GPC6: variants seen among roughly 807,000 people sequenced by gnomAD.
The protein encoded by GPC6 is glypican-6.
GPC6 carries 14 observed loss-of-function variants against 55.2 expected under a neutral mutation model. The ratio of observed to expected loss-of-function variants is 0.25; its 90% confidence interval spans 0.17 to 0.40. GPC6 has a LOEUF of 0.40. Ranked by LOEUF, GPC6 falls within the 10% of genes least tolerant of loss-of-function variation. GPC6 has a pLI of 1.00. For missense variants in GPC6, 641 were observed against 708.5 expected (o/e 0.90, Z 1.08); for synonymous variants, 278 against 259.6 (o/e 1.07, Z -0.68).
chr13:94,130,496 GC>G (rs1358161810), intron 4 of GPC6, among the ~76,000 whole-genome samples: 2 of 152,106 alleles, frequency 1.3e-5, no homozygotes, highest in African/African-American at 4.8e-5. Flanking sequence ...CAAAAACCCA[GC>G]CTAAACCAGC....
intron 3 of GPC6, among the ~76,000 whole-genome samples, chr13:93,999,811 A>G (rs1216779451): frequency 6.6e-6 from 1 of 152,182 alleles, no homozygotes; most frequent in African/African-American, 2.4e-5. Context: ...AGATTTTCCT[A>G]CAAGGTTGAG....
intron 4 of GPC6, among the ~76,000 whole-genome samples, chr13:94,270,766 G>T (rs1323354076): frequency 2.6e-5 from 4 of 152,094 alleles, no homozygotes; most frequent in Admixed American, 1.3e-4. Context: ...TCTAAGACCA[G>T]AATATACCAC....
At chr13:93,880,172 C>G (rs1192074397) in intron 3 of GPC6, among the ~76,000 whole-genome samples, 1 of 151,144 alleles carries the variant, frequency 6.6e-6, no homozygotes, top group Non-Finnish European at 1.5e-5. Context: ...CCTCAGGGAT[C>G]TAGAACTAGA....
At chr13:93,691,555 G>A (rs1480126692) in intron 2 of GPC6, among the ~76,000 whole-genome samples, 2 of 151,078 alleles carry the variant, frequency 1.3e-5, no homozygotes, top group Non-Finnish European at 3.0e-5. Context: ...CAGAGCTGAT[G>A]ACTTCTTGTT....
At chr13:93,780,429 T>C (rs2138906069) in intron 2 of GPC6, among the ~76,000 whole-genome samples, 2 of 152,296 alleles carry the variant, frequency 1.3e-5, no homozygotes, top group South Asian at 4.1e-4. Context: ...CATCTTCAAA[T>C]GACTCCTGGC....
At chr13:93,323,262 A>G (rs1424192817) in intron 1 of GPC6, among the ~76,000 whole-genome samples, 1 of 152,212 alleles carries the variant, frequency 6.6e-6, no homozygotes, top group Non-Finnish European at 1.5e-5. Flanking sequence ...TAAGAAATTT[A>G]CGATAGCATC....
chr13:93,764,583 A>AACACACAC (rs10595180), intron 2 of GPC6, among the ~76,000 whole-genome samples: 26 of 148,564 alleles, frequency 1.8e-4, no homozygotes, highest in East Asian at 1.4e-3. Flanking sequence ...TAAAGATGTA[A>AACACACAC]ACACACACAC....
chr13:94,094,449 A>G (rs1223638611), intron 4 of GPC6, among the ~76,000 whole-genome samples: 1 of 152,170 alleles, frequency 6.6e-6, no homozygotes. Context: ...ATAATATTAC[A>G]TATAAAACCT....
At chr13:93,733,521 A>C in intron 2 of GPC6, among the ~76,000 whole-genome samples, 1 of 150,552 alleles carries the variant, frequency 6.6e-6, no homozygotes, top group Admixed American at 6.6e-5. Flanking sequence ...AAATATATAT[A>C]AATATATAAA....
At chr13:94,116,258 A>C (rs1593948759) in intron 4 of GPC6, among the ~76,000 whole-genome samples, 1 of 152,120 alleles carries the variant, frequency 6.6e-6, no homozygotes, top group East Asian at 1.9e-4. Context: ...ATATCAGTGC[A>C]CATGAATGAA....
chr13:94,244,588 CA>C (rs1308368913), intron 4 of GPC6, among the ~76,000 whole-genome samples: 1 of 151,722 alleles, frequency 6.6e-6, no homozygotes, highest in Non-Finnish European at 1.5e-5. Flanking sequence ...TTTGGAAGGA[CA>C]AAATAATAAG....
intron 7 of GPC6, among the ~76,000 whole-genome samples, chr13:94,389,804 A>C (rs7981761): frequency 0.17 from 25,377 of 152,136 alleles, 2,275 homozygotes; most frequent in East Asian, 0.38. Flanking sequence ...CCTCTCCCCC[A>C]TAAAACTGAC....
rs531552131 is a variant in GPC6, at chr13:93,834,156, T to C, written c.711+3611T>C. The stretch of plus-strand genomic sequence containing the variant: ...AATTTCATCCGGATAAACTGTTACA[T>C]GTGCATACAATTAGACGTGTAGAAG... On this transcript the variant is annotated intron_variant, in intron 3 of 8. Coordinates refer to ENST00000377047, the MANE Select transcript of GPC6 (RefSeq NM_005708.5). Among the ~76,000 whole-genome samples, 6 of 152,352 alleles carry C rather than the reference T, an allele frequency of 3.9e-5. No homozygotes were observed. The East Asian group carries it at 1.2e-3, about 29-fold the overall frequency.
At chr13:93,573,440 T>C (rs1346634835) in intron 2 of GPC6, among the ~76,000 whole-genome samples, 2 of 151,754 alleles carry the variant, frequency 1.3e-5, no homozygotes, top group African/African-American at 4.8e-5. Flanking sequence ...CATCCAGTAC[T>C]CCCCAAACCT....
intron 2 of GPC6, among the ~76,000 whole-genome samples, chr13:93,779,158 T>C (rs781247092): frequency 3.9e-5 from 6 of 152,310 alleles, no homozygotes; most frequent in Non-Finnish European, 7.4e-5. Context: ...TCTATGCCTA[T>C]TCGTGTGTGT....
intron 1 of GPC6, among the ~76,000 whole-genome samples, chr13:93,388,132 GCCAATA>G (rs1373032773): frequency 6.6e-6 from 1 of 152,116 alleles, no homozygotes; most frequent in Non-Finnish European, 1.5e-5. Context: ...ACTGACTTGT[GCCAATA>G]CATACAGGTG....
chr13:93,453,722 G>C (rs539797122), intron 1 of GPC6, among the ~76,000 whole-genome samples: 2 of 151,764 alleles, frequency 1.3e-5, no homozygotes, highest in East Asian at 2.0e-4. Flanking sequence ...GGAGTTGTTC[G>C]TTCCTCCCGG....
chr13:93,708,610 G>A (rs1399004935), intron 2 of GPC6, among the ~76,000 whole-genome samples: 2 of 151,746 alleles, frequency 1.3e-5, no homozygotes, highest in African/African-American at 4.8e-5. Context: ...AATTCACAGT[G>A]TGCATGTGAA....
At chr13:93,928,214 C>A (rs117862449) in intron 3 of GPC6, among the ~76,000 whole-genome samples, 18 of 152,214 alleles carry the variant, frequency 1.2e-4, no homozygotes, top group Non-Finnish European at 2.5e-4. Flanking sequence ...GTGACCACAA[C>A]TGTATATCCT....
Sources: gnomAD v4.1 joint callset for allele counts (sites outside exome capture counted in the v4.1 genomes callset) on GRCh38, gnomAD v4.1.1 for gene constraint, MANE v1.5 for transcripts, NCBI Gene and HGNC (gene_info 2026-07-23, HGNC 2026-07-21) for gene names.